XIAP: variants seen among roughly 807,000 people sequenced by gnomAD.
XIAP encodes the protein X-linked inhibitor of apoptosis.
In XIAP, 3 loss-of-function variants were observed where a neutral mutation model predicts 33.1. That is an observed-to-expected ratio of 0.09 (90% CI 0.04 to 0.23). The LOEUF is 0.23. XIAP is among the 10% of genes least tolerant of loss of function. The probability of loss-of-function intolerance (pLI) is 1.00; values close to 1 mark genes in which losing one functional copy is unlikely to be tolerated. For synonymous variants in XIAP, 98 were observed against 121.3 expected (o/e 0.81, Z 1.26); for missense variants, 264 against 363.0 (o/e 0.73, Z 2.22).
chrX:123,904,653 G>A (rs1174559733), intron 6 of XIAP, among the ~76,000 whole-genome samples: 7 of 111,897 alleles, frequency 6.3e-5, no homozygotes, highest in African/African-American at 2.0e-4. Flanking sequence ...ACAGGGTCTC[G>A]CTCTGTCGCC....
Position 123,860,293 on chromosome X carries a change from G to A in XIAP, c.-33G>A, listed in dbSNP as rs1165209983. 6.1e-6 allele frequency: 2 copies of A among 329,679 alleles called. No homozygotes were observed. The highest frequency in any genetic ancestry group is 5.9e-6 in the Non-Finnish European group (1 of 169,968). The allele number at this position is 329,679 out of a possible 1,213,427, so 27.2% of individuals were successfully genotyped here. A position where few individuals can be genotyped will look rare whatever the true frequency, so the allele number is the denominator to read the frequency against. On this transcript the variant is annotated splice_region_variant and 5_prime_UTR_variant, in exon 1 of 7. Transcript: ENST00000371199. ...CAGTTCGGGCCGGCTGTCCTGGCGC[G>A]GTGGGTACAGCTTGTGTAGGCTTTC...
intron 1 of XIAP, chrX:123,872,790 A>T (rs764490426): frequency 9.0e-6 from 1 of 111,589 alleles, no homozygotes; most frequent in African/African-American, 3.2e-5. Context: ...ACCAAAAGGC[A>T]TTTGTTTCTG....
chrX:123,906,381 A>G lies in XIAP; in HGVS notation c.1301-607A>G, dbSNP rs764742839. Among the ~76,000 whole-genome samples, 11 of 111,317 alleles carry G rather than the reference A, an allele frequency of 9.9e-5. No individual in the cohort carries two copies. The South Asian group carries it at 4.2e-3, about 42-fold the overall frequency. On this transcript the variant is annotated intron_variant, in intron 6 of 6. Coordinates refer to ENST00000371199, the MANE Select transcript of XIAP (RefSeq NM_001167.4). The stretch of plus-strand genomic sequence containing the variant: ...AAATATCTGAAGATCCCAAACCTGT[A>G]CCTCCTTTTATATTTCTTATTGGCA...
Position 123,912,887 on chromosome X carries a change from C to G in XIAP, c.*5706C>G, listed in dbSNP as rs970049286. 6.2e-6 allele frequency: 2 copies of G among 324,410 alleles called. No homozygotes were observed. Among genetic ancestry groups the G allele is most frequent in the African/African-American group, 5.4e-5 (2 of 37,053 alleles). 26.7% of individuals were successfully genotyped at this position (324,410 alleles called of 1,213,427 possible). On this transcript the variant is annotated 3_prime_UTR_variant, in exon 7 of 7. Coordinates refer to ENST00000371199, the MANE Select transcript of XIAP (RefSeq NM_001167.4). ...GCCAGGCTAGTCTTGAATTTCTGACCTCAAGTGATTCATCTCCCAAAGTGC... is the reference window on the plus strand; with the variant it reads ...GCCAGGCTAGTCTTGAATTTCTGACGTCAAGTGATTCATCTCCCAAAGTGC...
chrX:123,884,604 T>C (rs1487422929), intron 1 of XIAP, among the ~76,000 whole-genome samples: 1 of 111,823 alleles, frequency 8.9e-6, no homozygotes, highest in East Asian at 2.8e-4. Flanking sequence ...TGGGAGATTC[T>C]GGAGAACCAG....
In XIAP at chrX:123,909,293, A is replaced by G. The variant is rs1445165397; in HGVS notation, c.*2112A>G. 1 of 328,934 alleles carries G rather than the reference A, an allele frequency of 3.0e-6. No homozygotes were observed. Among genetic ancestry groups the G allele is most frequent in the Non-Finnish European group, 5.9e-6 (1 of 169,712 alleles). The allele number at this position is 328,934 out of a possible 1,213,427, so 27.1% of individuals were successfully genotyped here. A position where few individuals can be genotyped will look rare whatever the true frequency, so the allele number is the denominator to read the frequency against. ...AGATCCACTCGCCTTGCCCTCCCAA[A>G]GTGCTGGGATTACAGGCTTGAGCCA... On this transcript the variant is annotated 3_prime_UTR_variant, in exon 7 of 7. Transcript: ENST00000371199.
At chrX:123,891,366 T>G in intron 4 of XIAP, 50 bp downstream of exon 4, 1 of 635,653 alleles carries the variant, frequency 1.6e-6, no homozygotes, top group Non-Finnish European at 2.4e-6. Context: ...AAATTATAAT[T>G]TATATTTTCA....
Position 123,890,670 on chromosome X carries a change from G to A in XIAP, c.978-568G>A, listed in dbSNP as rs771869753. 5.8e-5 allele frequency among the ~76,000 whole-genome samples: 6 copies of A among 102,969 alleles called. No individual in the cohort carries two copies. In the South Asian group the frequency reaches 2.6e-3, roughly 45 times the overall value. 89.4% of individuals were successfully genotyped at this position (102,969 alleles called of 115,157 possible). On this transcript the variant is annotated intron_variant, in intron 3 of 6. Coordinates refer to ENST00000371199, the MANE Select transcript of XIAP (RefSeq NM_001167.4). ...AAAAAAAAAAAAACTAGCCGGGCAT[G>A]GTGGCTTACGCCTGTAATCCCAGCA...
chrX:123,863,263 TAACATGGTGA>T, intron 1 of XIAP, among the ~76,000 whole-genome samples: 1 of 110,110 alleles, frequency 9.1e-6, no homozygotes, highest in Middle Eastern at 4.7e-3. Context: ...CCAGCCTGGC[TAACATGGTGA>T]AACCCCATCT....
At chrX:123,905,689 T>A (rs1386053242) in intron 6 of XIAP, among the ~76,000 whole-genome samples, 2 of 112,547 alleles carry the variant, frequency 1.8e-5, no homozygotes, top group African/African-American at 6.5e-5. Context: ...CCAGTAAGTA[T>A]TTCTTGAATA....
chrX:123,875,688 GAT>G (rs2053237713), intron 1 of XIAP, among the ~76,000 whole-genome samples: 1 of 91,682 alleles, frequency 1.1e-5, no homozygotes, highest in Non-Finnish European at 2.2e-5. Context: ...TTTTCTTATA[GAT>G]TTTTTTTTTT....
In XIAP at chrX:123,864,767, C is replaced by CGTGTGT. The variant is rs752421505; in HGVS notation, c.-33+4519_-33+4524dup. Among the ~76,000 whole-genome samples the CGTGTGT allele has an allele frequency of 3.7e-3, 197 of 52,639 alleles. 5 individuals are homozygous for CGTGTGT. Among genetic ancestry groups the CGTGTGT allele is most frequent in the East Asian group, 4.9e-3 (7 of 1,416 alleles). The allele number at this position is 52,639 out of a possible 115,157, so 45.7% of individuals were successfully genotyped here. ...ATGTTAGCCAGGATGGTCGCATTCT[C>CGTGTGT]GTGTGTGTGTGTGTGTGTGTGTGTG... On this transcript the variant is annotated intron_variant, in intron 1 of 6. Coordinates refer to ENST00000371199, the MANE Select transcript of XIAP (RefSeq NM_001167.4).
chrX:123,865,533 C>T (rs1424951576), intron 1 of XIAP, among the ~76,000 whole-genome samples: 3 of 107,216 alleles, frequency 2.8e-5, no homozygotes. Flanking sequence ...CTAGACCATC[C>T]TGGCACCCCT....
chrX:123,878,258 AC>A (rs1403981712), intron 1 of XIAP, among the ~76,000 whole-genome samples: 1 of 100,464 alleles, frequency 1.0e-5, no homozygotes, highest in Non-Finnish European at 2.0e-5. Context: ...AAATTTATAT[AC>A]CATAAGATCC....
chrX:123,884,217 C>G (rs374487560), intron 1 of XIAP, among the ~76,000 whole-genome samples: 2 of 112,023 alleles, frequency 1.8e-5, no homozygotes, highest in African/African-American at 6.5e-5. Flanking sequence ...GGCGCGGTGG[C>G]TCACGCCTGT....
rs1264220872 is a variant in XIAP, at chrX:123,908,527, G to T, written c.*1346G>T. ...TTATAGTGACAGCTTTCCATGTTGAGATTCTCATATCATCTTGTATCTTAA... is the reference window on the plus strand; with the variant it reads ...TTATAGTGACAGCTTTCCATGTTGATATTCTCATATCATCTTGTATCTTAA... On this transcript the variant is annotated 3_prime_UTR_variant, in exon 7 of 7. Coordinates refer to ENST00000371199, the MANE Select transcript of XIAP (RefSeq NM_001167.4). The T allele has an allele frequency of 8.2e-6, 3 of 366,418 alleles. No individual in the cohort carries two copies. In the Admixed American group the frequency reaches 9.1e-5, roughly 11 times the overall value. 30.2% of individuals were successfully genotyped at this position (366,418 alleles called of 1,213,427 possible). A position where few individuals can be genotyped will look rare whatever the true frequency, so the allele number is the denominator to read the frequency against.
intron 5 of XIAP, among the ~76,000 whole-genome samples, chrX:123,899,218 ATT>A (rs1200768296): frequency 1.8e-5 from 1 of 56,054 alleles, no homozygotes; most frequent in African/African-American, 8.3e-5. Context: ...TATATATATG[ATT>A]TTGTATATAT....
Position 123,888,661 on chromosome X carries a change from T to G in XIAP, c.920T>G (p.Leu307Arg). 8.2e-7 allele frequency: 1 copy of G among 1,212,158 alleles called. No homozygotes were observed. Among genetic ancestry groups the G allele is most frequent in the Non-Finnish European group, 1.1e-6 (1 of 895,569 alleles). The change falls in exon 3 of 7, where the codon CTA becomes CGA. Residue 307 changes from leucine (L) to arginine (R), a missense_variant. Leu to Arg is a moderately radical substitution (Grantham distance 102, BLOSUM62 -2). Coordinates refer to ENST00000371199, the MANE Select transcript of XIAP (RefSeq NM_001167.4). ...KVKCFHCGGG[L>R]TDWKPSEDPW... The stretch of plus-strand genomic sequence containing the variant: ...AAGTGCTTTCACTGTGGAGGAGGGC[T>G]AACTGATTGGAAGCCCAGTGAAGAC...
intron 1 of XIAP, 46 bp from the exon 2 acceptor site, chrX:123,885,585 T>C: frequency 9.1e-7 from 1 of 1,094,385 alleles, no homozygotes; most frequent in Non-Finnish European, 1.2e-6. Context: ...AGTCTGTTGC[T>C]TGTGTTTCAC....
Sources: allele counts gnomAD v4.1 joint callset (sites outside exome capture counted in the v4.1 genomes callset), GRCh38; gene constraint gnomAD v4.1.1; transcripts MANE v1.5; gene names NCBI Gene and HGNC (gene_info 2026-07-23, HGNC 2026-07-21).